VCAN: variants seen among roughly 807,000 people sequenced by gnomAD.
VCAN encodes versican core protein.
A neutral mutation model predicts 245.5 loss-of-function variants in VCAN; 44 were observed. The ratio of observed to expected loss-of-function variants is 0.18; its 90% CI spans 0.14 to 0.23. The LOEUF is 0.23. Ranked by LOEUF, VCAN falls within the 10% of genes least tolerant of loss-of-function variation. VCAN has a pLI of 1.00. For missense variants in VCAN, 3,793 were observed against 4,057.9 expected (o/e 0.93, Z 1.77); for synonymous variants, 1,413 against 1,437.0 (o/e 0.98, Z 0.38).
chr5:83,479,943 A>G (rs191447080), intron 1 of VCAN, among the ~76,000 whole-genome samples: 2 of 152,306 alleles, frequency 1.3e-5, no homozygotes, highest in African/African-American at 2.4e-5. Context: ...GGAAATGGGT[A>G]AGAGACTAAG....
intron 12 of VCAN, among the ~76,000 whole-genome samples, chr5:83,571,627 C>T (rs780884076): frequency 6.6e-6 from 1 of 152,018 alleles, no homozygotes; most frequent in Non-Finnish European, 1.5e-5. Flanking sequence ...TTTCAATGAT[C>T]TCAACATACA....
chr5:83,490,073 A>G, intron 2 of VCAN, 25 bp from the exon 3 acceptor site: 1 of 1,612,928 alleles, frequency 6.2e-7, no homozygotes, highest in Non-Finnish European at 8.5e-7. Flanking sequence ...AAGATTGTTA[A>G]TTTGTTATTT....
intron 1 of VCAN, among the ~76,000 whole-genome samples, chr5:83,480,222 A>C (rs1279247670): frequency 6.6e-6 from 1 of 152,184 alleles, no homozygotes; most frequent in Non-Finnish European, 1.5e-5. Flanking sequence ...GGTAATCTTA[A>C]GGAAAGTGAT....
chr5:83,536,825 T>A (rs944835567), intron 7 of VCAN, 182 bp from the exon 8 acceptor site: 1 of 522,922 alleles, frequency 1.9e-6, no homozygotes, highest in African/African-American at 1.9e-5. Flanking sequence ...TTTTTCTTAT[T>A]GTTAATACAA....
intron 1 of VCAN, among the ~76,000 whole-genome samples, chr5:83,477,639 G>A (rs1403135204): frequency 6.6e-6 from 1 of 152,094 alleles, no homozygotes; most frequent in Non-Finnish European, 1.5e-5. Flanking sequence ...AATACTGATA[G>A]GTCTGACTAA....
intron 12 of VCAN, among the ~76,000 whole-genome samples, chr5:83,563,840 C>T (rs1035593928): frequency 6.6e-6 from 1 of 152,124 alleles, no homozygotes; most frequent in Non-Finnish European, 1.5e-5. Context: ...CTGTGACTCA[C>T]GCTGCAGACA....
intron 7 of VCAN, among the ~76,000 whole-genome samples, chr5:83,528,504 A>C (rs760751869): frequency 3.9e-5 from 6 of 152,056 alleles, no homozygotes; most frequent in Non-Finnish European, 5.9e-5. Context: ...CTCACGCAGA[A>C]ACTAGTACAG....
intron 9 of VCAN, among the ~76,000 whole-genome samples, chr5:83,546,517 AG>A (rs1451807690): frequency 6.6e-6 from 1 of 151,240 alleles, no homozygotes; most frequent in Non-Finnish European, 1.5e-5. Flanking sequence ...GCACTTTGGG[AG>A]GGCGAGGTGG....
chr5:83,511,161 A>G (rs1233900292), intron 5 of VCAN, among the ~76,000 whole-genome samples: 1 of 148,774 alleles, frequency 6.7e-6, no homozygotes, highest in Non-Finnish European at 1.5e-5. Flanking sequence ...TTTTTTTTCG[A>G]GACGGAGTCT....
chr5:83,558,339 G>A (rs1379759396), intron 12 of VCAN, among the ~76,000 whole-genome samples: 2 of 152,210 alleles, frequency 1.3e-5, no homozygotes, highest in East Asian at 3.9e-4. Context: ...CTTATACTTG[G>A]AATGGTGTTA....
rs1056181705 is a variant in VCAN at position 83,556,643 on chromosome 5, C to T, written c.9735+1605C>T. ...TTGGATCTGTATCTGCAATTGTTGC[C>T]TCTTTATGTTTTCATTTTGCTGTAC... On this transcript the variant is annotated intron_variant, in intron 12 of 14. Transcript: ENST00000265077. Among the ~76,000 whole-genome samples, 9 of 152,068 alleles carry T rather than the reference C, an allele frequency of 5.9e-5. No individual in the cohort carries two copies. The South Asian group carries it at 1.0e-3, about 18-fold the overall frequency.
intron 5 of VCAN, among the ~76,000 whole-genome samples, chr5:83,494,965 G>A (rs185443321): frequency 6.9e-4 from 105 of 152,266 alleles, no homozygotes; most frequent in African/African-American, 2.5e-3. Flanking sequence ...AGGTGACAGA[G>A]TGAGATCTTG....
At chr5:83,579,498 C>G (rs927653112) in intron 13 of VCAN, among the ~76,000 whole-genome samples, 3 of 152,010 alleles carry the variant, frequency 2.0e-5, no homozygotes, top group African/African-American at 4.8e-5. Flanking sequence ...CTCTTGATCT[C>G]GTGATCCACC....
intron 13 of VCAN, among the ~76,000 whole-genome samples, chr5:83,577,389 G>A (rs1010573926): frequency 2.0e-5 from 3 of 152,230 alleles, no homozygotes; most frequent in Non-Finnish European, 4.4e-5. Flanking sequence ...TTTGTAAATC[G>A]TAGCCAATGA....
At chr5:83,511,581 T>A (rs1230911222) in intron 5 of VCAN, among the ~76,000 whole-genome samples, 3 of 151,918 alleles carry the variant, frequency 2.0e-5, no homozygotes, top group Non-Finnish European at 4.4e-5. Flanking sequence ...TTTTTTTTTT[T>A]TTTTATTTAA....
rs766142228 is a variant in VCAN, at chr5:83,537,915, A to T, written c.4912A>T (p.Ile1638Phe). The change falls in exon 8 of 15, where the codon ATT becomes TTT. Residue 1638 changes from isoleucine to phenylalanine, a missense_variant. By Grantham distance (21) the Ile-to-Phe change is conservative (BLOSUM62 0). This residue lies in a region of VCAN where 3,182 missense variants were observed against 3,250.3 expected (regional missense o/e 0.98). Coordinates refer to ENST00000265077, the MANE Select transcript of VCAN (RefSeq NM_004385.5). ...GCTCTCAGGGAGTTCTTCGATTCCA[A>T]TTACAGAAGGCTCTGGAGAAGCAGA... ...VELSGSSSIP[I>F]TEGSGEAEED... The T allele has an allele frequency of 1.2e-6, 2 of 1,613,982 alleles. No individual in the cohort carries two copies. Among genetic ancestry groups the T allele is most frequent in the Non-Finnish European group, 8.5e-7 (1 of 1,179,962 alleles).
rs1157421461 is a variant in VCAN at position 83,538,924 on chromosome 5, T to A, written c.5921T>A (p.Val1974Glu). 6.2e-7 allele frequency: 1 copy of A among 1,614,002 alleles called. No homozygotes were observed. Reference protein sequence around the residue: ...FRDTQTSPSTVPTSVHISHIS... With the variant: ...FRDTQTSPSTEPTSVHISHIS... The stretch of plus-strand genomic sequence containing the variant: ...GACACCCAGACTTCACCATCTACAG[T>A]ACCTACTTCAGTTCACATCAGTCAC... The change falls in exon 8 of 15, where the codon GTA becomes GAA. Residue 1974 changes from valine to glutamate, a missense_variant. By Grantham distance (121) the Val-to-Glu change is moderately radical. Coordinates refer to ENST00000265077, the MANE Select transcript of VCAN (RefSeq NM_004385.5).
chr5:83,503,089 T>C (rs1745379139), intron 5 of VCAN, among the ~76,000 whole-genome samples: 1 of 152,180 alleles, frequency 6.6e-6, no homozygotes, highest in South Asian at 2.1e-4. Context: ...AAAGATTATA[T>C]AGCAGTATAT....
chr5:83,528,989 TACACACACACACAC>T (rs58804437), intron 7 of VCAN, among the ~76,000 whole-genome samples: 1 of 141,502 alleles, frequency 7.1e-6, no homozygotes, highest in South Asian at 2.3e-4. Flanking sequence ...GAAACAAAGA[TACACACACACACAC>T]ACACACACAC....
Sources: gnomAD v4.1 joint callset for allele counts (sites outside exome capture counted in the v4.1 genomes callset) on GRCh38, gnomAD v4.1.1 for gene constraint, gnomAD v4.1.1 regional missense constraint, MANE v1.5 for transcripts, NCBI Gene and HGNC (gene_info 2026-07-23, HGNC 2026-07-21) for gene names.